The following TPCN2 variants were observed in gnomAD, a reference collection of about 807,000 sequenced individuals.
The protein encoded by TPCN2 is two pore channel protein 2.
A neutral mutation model predicts 111.4 loss-of-function variants in TPCN2; 92 were observed. The ratio of observed to expected loss-of-function variants is 0.83; its 90% CI spans 0.70 to 0.98. The LOEUF (loss-of-function observed/expected upper bound fraction) is 0.98. Among genes scored for constraint, TPCN2 ranks in the 50% least tolerant of loss-of-function variants. TPCN2 has a pLI of 0.00. For synonymous variants in TPCN2, 405 were observed against 414.5 expected, an observed-to-expected ratio of 0.98 and a Z score of 0.28; for missense variants, 995 against 980.1, an observed-to-expected ratio of 1.02 and a Z score of -0.20.
intron 13 of TPCN2, among the ~76,000 whole-genome samples, chr11:69,074,287 T>A (rs778665865): frequency 2.0e-5 from 3 of 152,206 alleles, no homozygotes; most frequent in Non-Finnish European, 4.4e-5. Flanking sequence ...TCGGGCATCC[T>A]CTTTAGGGCT....
At chr11:69,049,762 G>GT (rs1415099009) in intron 1 of TPCN2, among the ~76,000 whole-genome samples, 1 of 152,146 alleles carries the variant, frequency 6.6e-6, no homozygotes, top group East Asian at 1.9e-4. Context: ...TGCCCTTCCC[G>GT]TTTTTTGTCC....
At chr11:69,061,442 C>T (rs1855017915) in intron 5 of TPCN2, among the ~76,000 whole-genome samples, 4 of 152,130 alleles carry the variant, frequency 2.6e-5, no homozygotes, top group Admixed American at 2.6e-4. Context: ...GATGAGGATG[C>T]GAGACTGCAG....
At chr11:69,054,224 G>C in intron 2 of TPCN2, 127 bp downstream of exon 2, 1 of 744,042 alleles carries the variant, frequency 1.3e-6, no homozygotes, top group Non-Finnish European at 2.3e-6. Flanking sequence ...GAGAACTGAG[G>C]GTGGAGCCTC....
chr11:69,070,555 T>TA (rs1364100799), intron 9 of TPCN2, 60 bp downstream of exon 9: 7 of 1,312,036 alleles, frequency 5.3e-6, no homozygotes, highest in Non-Finnish European at 7.5e-6. Context: ...CAGGGACCGA[T>TA]ACACCCTGCT....
In TPCN2 at chr11:69,079,858, G is replaced by C; in HGVS notation, c.1564G>C (p.Val522Leu). The C allele has an allele frequency of 6.2e-7, 1 of 1,613,846 alleles. No individual in the cohort carries two copies. The highest frequency in any genetic ancestry group is 1.1e-5 in the South Asian group (1 of 91,048). Residue 522 changes from valine to leucine, a missense_variant, in exon 17 of 25, where the codon GTG (valine) becomes CTG (leucine). Physicochemically the swap from Val to Leu is conservative, Grantham distance 32. Coordinates refer to ENST00000294309, the MANE Select transcript of TPCN2 (RefSeq NM_139075.4). Reference protein sequence around the residue: ...LLVLEISTLAVYRLPHPGWRP... With the variant: ...LLVLEISTLALYRLPHPGWRP... ...GGTTTTGGAGATCTCAACTCTGGCTGTGTACCGATTGCCACACCCAGGCTG... is the reference window on the plus strand; with the variant it reads ...GGTTTTGGAGATCTCAACTCTGGCTCTGTACCGATTGCCACACCCAGGCTG...
intron 4 of TPCN2, among the ~76,000 whole-genome samples, chr11:69,056,150 T>C (rs183527337): frequency 1.1e-3 from 165 of 152,266 alleles, no homozygotes; most frequent in African/African-American, 3.9e-3. Context: ...ATGCCCATGG[T>C]GTTAGATCAG....
intron 4 of TPCN2, 125 bp downstream of exon 4, chr11:69,055,477 G>A (rs1854714320): frequency 5.9e-6 from 6 of 1,012,734 alleles, no homozygotes; most frequent in East Asian, 2.7e-5. Context: ...ACTTTGACCC[G>A]GTGAGCAAGG....
chr11:69,072,175 C>T (rs115399302), intron 11 of TPCN2, 152 bp downstream of exon 11: 9 of 662,226 alleles, frequency 1.4e-5, no homozygotes, highest in East Asian at 2.8e-5. Flanking sequence ...ATGTCCCTGG[C>T]GCTCTGTGGT....
intron 23 of TPCN2, 91 bp from the exon 24 acceptor site, chr11:69,087,021 G>A: frequency 2.8e-6 from 3 of 1,081,884 alleles, no homozygotes; most frequent in Admixed American, 1.9e-5. Context: ...CTCAGCGGGT[G>A]CCCTGTGGCT....
rs535099388 is a variant in TPCN2, at chr11:69,087,890, G to A, written c.2196G>A (p.Glu732=). ...AATTCCACAGGGATATTCTGGAGGA[G>A]CCCGGGGAGGATGAGCTCACAGAGA... ...VELLFRDILE[E]PGEDELTERL... The change falls in exon 25 of 25, where the codon GAG becomes GAA. Residue 732 remains glutamate (E), a synonymous_variant. Coordinates refer to ENST00000294309, the MANE Select transcript of TPCN2 (RefSeq NM_139075.4). 9 of 1,612,818 alleles carry A rather than the reference G, an allele frequency of 5.6e-6. No homozygotes were observed. In the African/African-American group the frequency reaches 1.1e-4, roughly 19 times the overall value.
At chr11:69,080,099 C>T (rs1855942920) in intron 17 of TPCN2, among the ~76,000 whole-genome samples, 1 of 152,240 alleles carries the variant, frequency 6.6e-6, no homozygotes, top group African/African-American at 2.4e-5. Context: ...AAGCTGGCAC[C>T]CCGCAGGCTG....
chr11:69,057,771 G>A, intron 5 of TPCN2, 77 bp downstream of exon 5: 2 of 1,382,898 alleles, frequency 1.4e-6, no homozygotes, highest in South Asian at 2.3e-5. Flanking sequence ...GGGGTGCTGG[G>A]ATGGAGCCCT....
In TPCN2 at chr11:69,062,812, C is replaced by T. The variant is rs1031133005; in HGVS notation, c.547-72C>T. The T allele has an allele frequency of 1.1e-5, 15 of 1,424,266 alleles. No homozygotes were observed. The South Asian group carries it at 1.2e-4, about 11-fold the overall frequency. 88.2% of individuals were successfully genotyped at this position (1,424,266 alleles called of 1,614,324 possible). The stretch of plus-strand genomic sequence containing the variant: ...GCACTGGGGTCTCTGAACCGTGTGC[C>T]CATCTGGGATGGTCGGTGAGGGGTA... On this transcript the variant is annotated intron_variant, in intron 5 of 24. Coordinates refer to ENST00000294309, the MANE Select transcript of TPCN2 (RefSeq NM_139075.4).
chr11:69,067,847 C>T (rs1855341034), intron 8 of TPCN2, among the ~76,000 whole-genome samples: 1 of 151,992 alleles, frequency 6.6e-6, no homozygotes, highest in Non-Finnish European at 1.5e-5. Context: ...TGTCTCATTC[C>T]TTTGCTTTCT....
rs147654303 is a variant in TPCN2 at position 69,080,499 on chromosome 11, C to T, written c.1589+616C>T. Among the ~76,000 whole-genome samples, 171 of 152,328 alleles carry T rather than the reference C, an allele frequency of 1.1e-3. 3 individuals carry two copies. In the East Asian group the frequency reaches 0.026, roughly 23 times the overall value. ...CAGGGCTGTCAGCCAGGCTGCTCTG[C>T]CCTGAGAGCGTGGCTCTGGTGTGCC... On this transcript the variant is annotated intron_variant, in intron 17 of 24. Coordinates refer to ENST00000294309, the MANE Select transcript of TPCN2 (RefSeq NM_139075.4).
rs374136809 is a variant in TPCN2 at position 69,081,427 on chromosome 11, G to T, written c.1617G>T (p.Ser539=). 5 of 1,562,722 alleles carry T rather than the reference G, an allele frequency of 3.2e-6. No homozygotes were observed. Among genetic ancestry groups the T allele is most frequent in the Non-Finnish European group, 4.3e-6 (5 of 1,154,082 alleles). ...GWRPEMVGLL[S]LWDMTRMLNM... ...GGCCGGAGATGGTGGGCCTGCTGTC[G>T]CTGTGGGACATGACCCGCATGCTGA... Residue 539 remains serine, a synonymous_variant, in exon 18 of 25, where the codon TCG becomes TCT. Coordinates refer to ENST00000294309, the MANE Select transcript of TPCN2 (RefSeq NM_139075.4).
At chr11:69,069,320 G>A (rs1301602220) in intron 8 of TPCN2, among the ~76,000 whole-genome samples, 1 of 30,186 alleles carries the variant, frequency 3.3e-5, no homozygotes, top group African/African-American at 8.5e-5. Context: ...ACCGCAGTGG[G>A]AGCAGGACCA....
rs963475859 is a variant in TPCN2 at position 69,084,108 on chromosome 11, C to G, written c.1761+92C>G. The stretch of plus-strand genomic sequence containing the variant: ...GGCAGTGCCGGGCCGGCTCACTGCT[C>G]TGTCGGTAGGAAGGTTCTTGGGTTC... On this transcript the variant is annotated intron_variant, in intron 19 of 24. Transcript: ENST00000294309. 3 of 1,306,880 alleles carry G rather than the reference C, an allele frequency of 2.3e-6. No homozygotes were observed. In the African/African-American group the frequency reaches 4.3e-5, roughly 19 times the overall value. 81.0% of individuals were successfully genotyped at this position (1,306,880 alleles called of 1,614,324 possible).
At chr11:69,067,816 C>T (rs1362375132) in intron 8 of TPCN2, among the ~76,000 whole-genome samples, 1 of 152,158 alleles carries the variant, frequency 6.6e-6, no homozygotes, top group Non-Finnish European at 1.5e-5. Flanking sequence ...CTTGTCCCTT[C>T]TCTTTCCTTC....
Sources: gnomAD v4.1 joint callset for allele counts (sites outside exome capture counted in the v4.1 genomes callset) on GRCh38, gnomAD v4.1.1 for gene constraint, MANE v1.5 for transcripts, NCBI Gene and HGNC (gene_info 2026-07-23, HGNC 2026-07-21) for gene names.